The following PKD1L1 variants were observed in gnomAD, a reference collection of about 807,000 sequenced individuals.
PKD1L1 encodes the protein polycystin-1-like protein 1.
In PKD1L1, 236 loss-of-function variants were observed where a neutral mutation model predicts 323.4. That is an observed-to-expected ratio of 0.73 (90% CI 0.66 to 0.81). The LOEUF (loss-of-function observed/expected upper bound fraction) is 0.81. PKD1L1 is among the 40% of genes least tolerant of loss of function. PKD1L1 has a pLI of 0.00. For synonymous variants in PKD1L1, 1,344 were observed against 1,335.0 expected (o/e 1.01, Z -0.15); for missense variants, 3,320 against 3,508.0 (o/e 0.95, Z 1.35).
Position 47,866,575 on chromosome 7 carries a change from C to T in PKD1L1, c.3936G>A (p.Leu1312=). Residue 1312 remains leucine (L), a synonymous_variant, in exon 25 of 57, where the codon CTG becomes CTA. Transcript: ENST00000289672. ...TCCTGATTTCTGTGTAACTCCCCAT[C>T]AGCTGGAGGGTAGAAAGGTTTTTCA... is the stretch of plus-strand genomic sequence containing the variant. ...SSLKNLSTLQ[L]MGSYTEIRNY... is the part of the protein sequence containing the mutation. 2 of 1,611,498 alleles carry T rather than the reference C, an allele frequency of 1.2e-6. No homozygotes were observed. The highest frequency in any genetic ancestry group is 1.7e-6 in the Non-Finnish European group (2 of 1,178,574).
intron 54 of PKD1L1, 75 bp from the exon 55 acceptor site, chr7:47,796,225 T>C (rs1243444609): frequency 1.6e-6 from 2 of 1,267,648 alleles, no homozygotes; most frequent in African/African-American, 1.5e-5. Context: ...CGTGATAAAC[T>C]ATGCAATGGA....
At chr7:47,887,744 C>T (rs566157615) in intron 17 of PKD1L1, among the ~76,000 whole-genome samples, 37 of 152,278 alleles carry the variant, frequency 2.4e-4, no homozygotes, top group Non-Finnish European at 4.9e-4. Context: ...AGGTGTTGGG[C>T]GCAGCCTTCC....
chr7:47,827,582 G>T, intron 44 of PKD1L1, 114 bp from the exon 45 acceptor site: 1 of 848,646 alleles, frequency 1.2e-6, no homozygotes, highest in Non-Finnish European at 1.8e-6. Context: ...CTTCAGCCTG[G>T]CATTTGGGAA....
chr7:47,862,390 CAGGAGGGATGGTAGG>C (rs1279776721), intron 26 of PKD1L1, among the ~76,000 whole-genome samples: 1 of 152,066 alleles, frequency 6.6e-6, no homozygotes, highest in Admixed American at 6.5e-5. Flanking sequence ...GAGACTCAGG[CAGGAGGGATGGTAGG>C]AGGACAGGGC....
At chr7:47,902,596 T>C in intron 12 of PKD1L1, 85 bp from the exon 13 acceptor site, 1 of 1,460,010 alleles carries the variant, frequency 6.8e-7, no homozygotes, top group African/African-American at 1.4e-5. Context: ...CACTCATATC[T>C]GCAGAATTAT....
chr7:47,781,647 G>A (rs1225480560), intron 56 of PKD1L1, among the ~76,000 whole-genome samples: 3 of 151,748 alleles, frequency 2.0e-5, no homozygotes, highest in Non-Finnish European at 2.9e-5. Context: ...CTGACGTAGT[G>A]ATCCGCCCGC....
At chr7:47,959,783 C>CGGGA in the PKD1L1 span, among the ~76,000 whole-genome samples, 1 of 112,660 alleles carries the variant, frequency 8.9e-6, no homozygotes, top group African/African-American at 3.3e-5. Context: ...CCGCCCCGTC[C>CGGGA]GGGAGGTGAG....
chr7:47,933,696 T>C (rs575050652), intron 4 of PKD1L1, among the ~76,000 whole-genome samples: 2 of 152,270 alleles, frequency 1.3e-5, no homozygotes, highest in East Asian at 1.9e-4. Flanking sequence ...TTTCTTTTCA[T>C]AGAGCACTCT....
At chr7:47,890,304 G>A (rs1293166545) in intron 16 of PKD1L1, among the ~76,000 whole-genome samples, 1 of 152,230 alleles carries the variant, frequency 6.6e-6, no homozygotes, top group Non-Finnish European at 1.5e-5. Context: ...ACCCCCGGCT[G>A]TGCCAGCTTT....
intron 31 of PKD1L1, among the ~76,000 whole-genome samples, chr7:47,848,633 C>A (rs1227562955): frequency 6.6e-6 from 1 of 152,152 alleles, no homozygotes; most frequent in African/African-American, 2.4e-5. Context: ...TGGAGAAACT[C>A]TGTCTCTACT....
intron 56 of PKD1L1, among the ~76,000 whole-genome samples, chr7:47,785,706 A>C (rs1786789969): frequency 6.6e-6 from 1 of 151,050 alleles, no homozygotes; most frequent in South Asian, 2.1e-4. Flanking sequence ...CTAGGGCATC[A>C]TACTTTCTGC....
At chr7:47,929,576 G>T (rs375477046) in intron 6 of PKD1L1, 50 bp from the exon 7 acceptor site, 32 of 1,513,208 alleles carry the variant, frequency 2.1e-5, no homozygotes, top group Non-Finnish European at 2.7e-5. Context: ...GGACCACTGG[G>T]GTGGGAGGGC....
Position 47,839,739 on chromosome 7 carries a change from C to T in PKD1L1, c.5553-77G>A, listed in dbSNP as rs185122820. 2.8e-4 allele frequency: 384 copies of T among 1,376,678 alleles called. 1 individual carries two copies. Among genetic ancestry groups the T allele is most frequent in the Non-Finnish European group, 3.5e-4 (353 of 1,001,268 alleles). The allele number at this position is 1,376,678 out of a possible 1,614,324, so 85.3% of individuals were successfully genotyped here. On this transcript the variant is annotated intron_variant, in intron 35 of 56. Transcript: ENST00000289672. This position sits in a 1 kb window ranked among gnomAD's most constrained non-coding sequence, Gnocchi z 4.3. ...GGCATCCCATCAGCCCCAATGCTCACCCTCAAGGCACTGATGGCCCACAGA... is the reference window on the plus strand; with the variant it reads ...GGCATCCCATCAGCCCCAATGCTCATCCTCAAGGCACTGATGGCCCACAGA...
rs747951167 is a variant in PKD1L1 at position 47,835,220 on chromosome 7, G to T, written c.5967C>A (p.Thr1989=). ...GGAGACCCACCCTGAAGGATCCAAG[G>T]GTGGGGCTGACGTCCAAGTGGGGCT... ...QEQPHLDVSP[T]LGSFRVGLLC... The change falls in exon 38 of 57, where the codon ACC becomes ACA. Residue 1989 remains threonine, a synonymous_variant. Transcript: ENST00000289672. 1 of 1,590,580 alleles carries T rather than the reference G, an allele frequency of 6.3e-7. No individual in the cohort carries two copies. Among genetic ancestry groups the T allele is most frequent in the South Asian group, 1.2e-5 (1 of 85,828 alleles).
At chr7:47,780,287 A>T (rs1187510829) in intron 56 of PKD1L1, among the ~76,000 whole-genome samples, 2 of 151,858 alleles carry the variant, frequency 1.3e-5, no homozygotes, top group Non-Finnish European at 2.9e-5. Flanking sequence ...TTCATCCCTG[A>T]CTCCTGGCAA....
chr7:47,812,075 T>C (rs1784911171), intron 49 of PKD1L1, 24 bp from the exon 50 acceptor site: 2 of 1,543,188 alleles, frequency 1.3e-6, no homozygotes, highest in East Asian at 4.9e-5. Context: ...CACACTGGGG[T>C]AGGGCAGGGC....
At chr7:47,778,778 C>A (rs1205615086) in intron 56 of PKD1L1, among the ~76,000 whole-genome samples, 2 of 152,174 alleles carry the variant, frequency 1.3e-5, no homozygotes, top group Non-Finnish European at 2.9e-5. Flanking sequence ...ACATGAATGT[C>A]TTCTCTGACC....
intron 56 of PKD1L1, among the ~76,000 whole-genome samples, chr7:47,779,493 T>C (rs1218429028): frequency 6.6e-6 from 1 of 152,206 alleles, no homozygotes; most frequent in East Asian, 1.9e-4. Context: ...TATCTCTGTG[T>C]CTTGGTCAGA....
Position 47,880,808 on chromosome 7 carries a change from G to T in PKD1L1, c.3443-3C>A. 6.3e-7 allele frequency: 1 copy of T among 1,596,872 alleles called. No individual in the cohort carries two copies. The highest frequency in any genetic ancestry group is 1.1e-5 in the South Asian group (1 of 89,846). On this transcript the variant is annotated splice_polypyrimidine_tract_variant and splice_region_variant and intron_variant, in intron 20 of 56. Transcript: ENST00000289672. ...TGTCACTGTCTGTTCTGTAATACCT[G>T]CAGAAAAGACATGGCTGCATGGAAA... is the stretch of plus-strand genomic sequence containing the variant.
Sources: allele counts gnomAD v4.1 joint callset (sites outside exome capture counted in the v4.1 genomes callset), GRCh38; gene constraint gnomAD v4.1.1; non-coding constraint Gnocchi (gnomAD v3.1); transcripts MANE v1.5; gene names NCBI Gene and HGNC (gene_info 2026-07-23, HGNC 2026-07-21).